PCDHA6: variants seen among roughly 807,000 people sequenced by gnomAD.
PCDHA6 encodes protocadherin alpha 6.
PCDHA6 carries 55 observed loss-of-function variants against 60.3 expected under a neutral mutation model. That is an observed-to-expected ratio of 0.91 (90% confidence interval 0.73 to 1.14). The LOEUF (loss-of-function observed/expected upper bound fraction) is 1.14. Among genes scored for constraint, PCDHA6 ranks in the 50% most tolerant of loss-of-function variants. The pLI is 0.00. For missense variants in PCDHA6, 1,327 were observed against 1,256.5 expected (o/e 1.06, Z -0.85); for synonymous variants, 652 against 557.9 (o/e 1.17, Z -2.38).
In PCDHA6 at chr5:140,904,046, T is replaced by C. The variant is rs2153483198; in HGVS notation, c.2394+73561T>C. 2.0e-5 allele frequency among the ~76,000 whole-genome samples: 3 copies of C among 152,346 alleles called. No homozygotes were observed. The East Asian group carries it at 5.8e-4, about 29-fold the overall frequency. ...GTATAATTTAACTTTTTAATTTTTT[T>C]ATTTCAATGGGTTTTTGGGGAACAG... On this transcript the variant is annotated intron_variant, in intron 1 of 3. Coordinates refer to ENST00000529310, the MANE Select transcript of PCDHA6 (RefSeq NM_018909.4).
Position 140,827,968 on chromosome 5 carries a change from A to ATTCTTCTT in PCDHA6, c.-123_-122insTCTTCTTT. ...ACATTCAAATTTCTTCTATTACTGC[A>ATTCTTCTT]TCATTCCCTGACTGTTGAATGATGG... is the stretch of plus-strand genomic sequence containing the variant. On this transcript the variant is annotated 5_prime_UTR_variant, in exon 1 of 4. Transcript: ENST00000529310. 7.3e-7 allele frequency: 1 copy of ATTCTTCTT among 1,370,946 alleles called. No homozygotes were observed. The highest frequency in any genetic ancestry group is 1.4e-5 in the South Asian group (1 of 70,688). 84.9% of individuals were successfully genotyped at this position (1,370,946 alleles called of 1,614,324 possible).
At chr5:140,931,405 G>A (rs1395168165) in intron 1 of PCDHA6, among the ~76,000 whole-genome samples, 1 of 151,984 alleles carries the variant, frequency 6.6e-6, no homozygotes, top group South Asian at 2.1e-4. Flanking sequence ...CGATAGGAAG[G>A]CTGATGAATC....
chr5:140,897,677 G>T (rs1390475923), intron 1 of PCDHA6, among the ~76,000 whole-genome samples: 1 of 152,168 alleles, frequency 6.6e-6, no homozygotes, highest in African/African-American at 2.4e-5. Flanking sequence ...ATAGCAGCAT[G>T]ATTTATAGTC....
chr5:140,830,572 T>G (rs1012149476), intron 1 of PCDHA6, 87 bp downstream of exon 1: 1 of 871,720 alleles, frequency 1.1e-6, no homozygotes, highest in Non-Finnish European at 1.6e-6. Context: ...TTTCTGTTTT[T>G]AATTTTTAAT....
chr5:140,967,087 G>T (rs782556858), intron 1 of PCDHA6: 2 of 1,613,138 alleles, frequency 1.2e-6, no homozygotes, highest in East Asian at 4.5e-5. Flanking sequence ...GCATTGATCG[G>T]GAGGCGCTGT....
At chr5:140,909,942 T>G (rs577556804) in intron 1 of PCDHA6, among the ~76,000 whole-genome samples, 1 of 152,304 alleles carries the variant, frequency 6.6e-6, no homozygotes, top group Non-Finnish European at 1.5e-5. Flanking sequence ...GTTACTCTGG[T>G]AAAAAGCCGT....
At chr5:140,957,799 TA>T (rs1430681763) in intron 1 of PCDHA6, among the ~76,000 whole-genome samples, 2 of 152,032 alleles carry the variant, frequency 1.3e-5, no homozygotes, top group African/African-American at 2.4e-5. Context: ...ATATGTTAAG[TA>T]AAAAAAAGTC....
At chr5:140,850,239 C>T (rs1275916187) in intron 1 of PCDHA6, 1 of 1,594,010 alleles carries the variant, frequency 6.3e-7, no homozygotes, top group Admixed American at 1.7e-5. Context: ...CGAGATGGTG[C>T]TGCGGTCGGT....
intron 1 of PCDHA6, chr5:140,843,343 G>C: frequency 6.3e-7 from 1 of 1,596,112 alleles, no homozygotes; most frequent in Non-Finnish European, 8.6e-7. Flanking sequence ...AGAGCGGCCA[G>C]GCTCCAAAAG....
intron 1 of PCDHA6, among the ~76,000 whole-genome samples, chr5:140,925,561 G>A (rs972926230): frequency 6.6e-6 from 1 of 151,674 alleles, no homozygotes; most frequent in African/African-American, 2.4e-5. Flanking sequence ...ACAAGTTAAT[G>A]GGTGCAGCAC....
At chr5:140,936,242 T>C (rs2090852443) in intron 1 of PCDHA6, among the ~76,000 whole-genome samples, 1 of 152,196 alleles carries the variant, frequency 6.6e-6, no homozygotes, top group African/African-American at 2.4e-5. Flanking sequence ...AAAGAAAACA[T>C]ATCCTGCTTC....
intron 1 of PCDHA6, chr5:140,927,277 GTGCAGC>G: frequency 6.2e-7 from 1 of 1,614,016 alleles, no homozygotes; most frequent in Non-Finnish European, 8.5e-7. Flanking sequence ...TGCCGGCGAC[GTGCAGC>G]TGCACATCCC....
intron 3 of PCDHA6, 47 bp from the exon 4 acceptor site, chr5:141,009,580 G>T: frequency 1.3e-6 from 2 of 1,588,168 alleles, no homozygotes; most frequent in South Asian, 2.3e-5. Context: ...GTGGCATCAA[G>T]AGCATGTGTT....
chr5:140,998,186 CA>C (rs1323195881), intron 3 of PCDHA6, among the ~76,000 whole-genome samples: 1 of 152,088 alleles, frequency 6.6e-6, no homozygotes, highest in African/African-American at 2.4e-5. Context: ...AAGCACTTTA[CA>C]AGTATTAACT....
Position 140,829,404 on chromosome 5 carries a change from C to T in PCDHA6, c.1313C>T (p.Thr438Ile), listed in dbSNP as rs2150167278. The change falls in exon 1 of 4, where the codon ACC becomes ATC. Residue 438 changes from threonine (T) to isoleucine (I), a missense_variant. Thr to Ile is a moderately conservative substitution (Grantham distance 89, BLOSUM62 -1). Transcript: ENST00000529310. The stretch of plus-strand genomic sequence containing the variant: ...GGGGGCTCGCCTTCGCTGTGGGCCA[C>T]CGCCAGCTTGTCTGTGGAGGTGGCC... ...RDGGSPSLWA[T>I]ASLSVEVADM... 9.9e-6 allele frequency: 16 copies of T among 1,613,990 alleles called. No homozygotes were observed. In the Admixed American group the frequency reaches 1.8e-4, roughly 18 times the overall value.
intron 1 of PCDHA6, among the ~76,000 whole-genome samples, chr5:140,955,667 T>C (rs1485421057): frequency 6.6e-6 from 1 of 152,188 alleles, no homozygotes; most frequent in Admixed American, 6.5e-5. Flanking sequence ...AATTTTAACA[T>C]AGTTTTTTCG....
chr5:140,962,143 G>C (rs964011627), intron 1 of PCDHA6, among the ~76,000 whole-genome samples: 1 of 151,968 alleles, frequency 6.6e-6, no homozygotes, highest in Non-Finnish European at 1.5e-5. Flanking sequence ...CCAAAGTGCT[G>C]GGATTACAGG....
chr5:140,998,987 G>A (rs1381033392), intron 3 of PCDHA6, among the ~76,000 whole-genome samples: 1 of 152,234 alleles, frequency 6.6e-6, no homozygotes. Context: ...ATAGTAGAAA[G>A]CAGAATGCTG....
chr5:140,899,664 G>T (rs1263525075), intron 1 of PCDHA6, among the ~76,000 whole-genome samples: 17 of 152,124 alleles, frequency 1.1e-4, no homozygotes, highest in Admixed American at 1.0e-3. Flanking sequence ...GTCTCTGCCC[G>T]GCTTTGGTAT....
Sources: gnomAD v4.1 joint callset for allele counts (sites outside exome capture counted in the v4.1 genomes callset) on GRCh38, gnomAD v4.1.1 for gene constraint, MANE v1.5 for transcripts, NCBI Gene and HGNC (gene_info 2026-07-23, HGNC 2026-07-21) for gene names.